ITPK1: variants seen among roughly 807,000 people sequenced by gnomAD.
ITPK1 encodes the protein inositol 1,3,4-trisphosphate 5/6-kinase.
A neutral mutation model predicts 45.3 loss-of-function variants in ITPK1; 21 were observed. The ratio of observed to expected loss-of-function variants is 0.46; its 90% CI spans 0.33 to 0.67. The LOEUF is 0.67. Among genes scored for constraint, ITPK1 ranks in the 30% least tolerant of loss-of-function variants. The probability of loss-of-function intolerance (pLI) is 0.02; values close to 1 mark genes in which losing one functional copy is unlikely to be tolerated. For missense variants in ITPK1, 474 were observed against 573.5 expected (o/e 0.83, Z 1.77); for synonymous variants, 258 against 253.6 (o/e 1.02, Z -0.16).
chr14:93,016,547 G>T lies in ITPK1; in HGVS notation c.246+129C>A. ...CCCACGAGCCCATGTCTTGCCAGTG[G>T]CAGAGCCATTTCTCCAGACTATACC... On this transcript the variant is annotated intron_variant, in intron 4 of 10. Transcript: ENST00000267615. This position sits in a 1 kb window ranked among gnomAD's most constrained non-coding sequence, Gnocchi z 5.0. 1 of 1,063,408 alleles carries T rather than the reference G, an allele frequency of 9.4e-7. No homozygotes were observed. Among genetic ancestry groups the T allele is most frequent in the Non-Finnish European group, 1.4e-6 (1 of 730,604 alleles). The allele number at this position is 1,063,408 out of a possible 1,614,324, so 65.9% of individuals were successfully genotyped here. A position where few individuals can be genotyped will look rare whatever the true frequency, so the allele number is the denominator to read the frequency against.
chr14:93,034,214 C>A lies in ITPK1; in HGVS notation c.121-17413G>T, dbSNP rs1157331603. Among the ~76,000 whole-genome samples, 1 of 150,592 alleles carries A rather than the reference C, an allele frequency of 6.6e-6. No homozygotes were observed. The highest frequency in any genetic ancestry group is 1.5e-5 in the Non-Finnish European group (1 of 67,526). ...ACACTGAACTGGGAGGTGGCTTCAGCCACACAGCACCTGCAGCAGCCGGGG... is the reference window on the plus strand; with the variant it reads ...ACACTGAACTGGGAGGTGGCTTCAGACACACAGCACCTGCAGCAGCCGGGG... On this transcript the variant is annotated intron_variant, in intron 3 of 10. Coordinates refer to ENST00000267615, the MANE Select transcript of ITPK1 (RefSeq NM_014216.6). This position sits in a 1 kb window ranked among gnomAD's most constrained non-coding sequence, Gnocchi z 4.1.
Position 92,941,093 on chromosome 14 carries a change from G to T in ITPK1, c.*468C>A. 1 of 1,202,328 alleles carries T rather than the reference G, an allele frequency of 8.3e-7. No homozygotes were observed. The highest frequency in any genetic ancestry group is 1.5e-5 in the South Asian group (1 of 65,736). 74.5% of individuals were successfully genotyped at this position (1,202,328 alleles called of 1,614,324 possible). A position where few individuals can be genotyped will look rare whatever the true frequency, so the allele number is the denominator to read the frequency against. On this transcript the variant is annotated 3_prime_UTR_variant, in exon 11 of 11. Transcript: ENST00000267615. ...AGGAGGAAAAACAAGGAAGGGGCAGGTCAGGGAGTGGGGAGTCAGGCAGAA... is the reference window on the plus strand; with the variant it reads ...AGGAGGAAAAACAAGGAAGGGGCAGTTCAGGGAGTGGGGAGTCAGGCAGAA...
chr14:93,061,501 G>C (rs1371432080), intron 3 of ITPK1, among the ~76,000 whole-genome samples: 1 of 152,184 alleles, frequency 6.6e-6, no homozygotes, highest in Non-Finnish European at 1.5e-5. Context: ...TCTGGGGCAG[G>C]AGTGAGAAAG....
intron 5 of ITPK1, among the ~76,000 whole-genome samples, chr14:92,973,175 C>T (rs549395467): frequency 5.3e-5 from 8 of 152,266 alleles, no homozygotes; most frequent in South Asian, 2.1e-4. Flanking sequence ...ACCTCTTGTA[C>T]GCTATTAAAT....
chr14:92,950,041 G>C (rs562582410), intron 9 of ITPK1, among the ~76,000 whole-genome samples: 105 of 152,376 alleles, frequency 6.9e-4, no homozygotes, highest in African/African-American at 2.5e-3. Flanking sequence ...GCAGGAAGAA[G>C]AAACCAAGGC....
intron 5 of ITPK1, among the ~76,000 whole-genome samples, chr14:92,968,953 C>T (rs1191128572): frequency 1.3e-5 from 2 of 152,148 alleles, no homozygotes; most frequent in African/African-American, 4.8e-5. Context: ...TGGGAAGGAC[C>T]CCATCTCTCA....
chr14:93,024,839 C>G (rs1225309258), intron 3 of ITPK1, among the ~76,000 whole-genome samples: 2 of 152,182 alleles, frequency 1.3e-5, no homozygotes, highest in African/African-American at 4.8e-5. Context: ...CTCCGGGACA[C>G]AGGCTCCTGA....
At chr14:93,057,686 T>C (rs1191811673) in intron 3 of ITPK1, among the ~76,000 whole-genome samples, 1 of 152,120 alleles carries the variant, frequency 6.6e-6, no homozygotes, top group Non-Finnish European at 1.5e-5. Flanking sequence ...GCCGAGGCCA[T>C]GCAGGGAGGA....
chr14:92,986,053 G>A (rs1886470436), intron 5 of ITPK1, among the ~76,000 whole-genome samples: 1 of 152,180 alleles, frequency 6.6e-6, no homozygotes, highest in East Asian at 1.9e-4. Context: ...AGAGATGTGG[G>A]TCCCATGGAG....
intron 5 of ITPK1, among the ~76,000 whole-genome samples, chr14:92,986,635 G>A (rs1004806102): frequency 1.6e-4 from 25 of 152,182 alleles, no homozygotes; most frequent in African/African-American, 4.3e-4. Context: ...GGGGTATCTC[G>A]TCCAGAAGCC....
At chr14:92,995,079 G>A (rs566229366) in intron 4 of ITPK1, among the ~76,000 whole-genome samples, 14 of 152,300 alleles carry the variant, frequency 9.2e-5, no homozygotes, top group East Asian at 7.7e-4. Context: ...ACTGGGAGCC[G>A]GGAGAGGGGC....
chr14:93,066,405 TTC>T, intron 3 of ITPK1: 6 of 335,544 alleles, frequency 1.8e-5, no homozygotes, highest in Non-Finnish European at 1.2e-5. Context: ...CATTTAGCAA[TTC>T]TTTTTTTTTT....
intron 5 of ITPK1, among the ~76,000 whole-genome samples, chr14:92,969,266 G>A (rs911880685): frequency 2.0e-5 from 3 of 152,012 alleles, no homozygotes; most frequent in African/African-American, 7.3e-5. Context: ...ATAATCCAGA[G>A]AGATAAATGA....
intron 3 of ITPK1, among the ~76,000 whole-genome samples, chr14:93,054,837 C>A (rs1330230655): frequency 4.6e-5 from 7 of 152,190 alleles, no homozygotes; most frequent in African/African-American, 1.7e-4. Context: ...CTTTTATAAG[C>A]CTTTCACTGA....
At chr14:93,106,584 C>G (rs1279781978) in intron 2 of ITPK1, among the ~76,000 whole-genome samples, 1 of 152,182 alleles carries the variant, frequency 6.6e-6, no homozygotes, top group Non-Finnish European at 1.5e-5. Flanking sequence ...CTTAGAGAGG[C>G]CTTCTCTGAC....
intron 3 of ITPK1, among the ~76,000 whole-genome samples, chr14:93,051,795 T>C (rs546187554): frequency 1.3e-5 from 2 of 152,356 alleles, no homozygotes; most frequent in East Asian, 1.9e-4. Flanking sequence ...GCATGGGGAA[T>C]GGAAGACAGC....
chr14:93,040,399 G>A (rs943731884), intron 3 of ITPK1, among the ~76,000 whole-genome samples: 1 of 152,102 alleles, frequency 6.6e-6, no homozygotes, highest in South Asian at 2.1e-4. Context: ...GAGGAGAGGC[G>A]GTCTTGGTCC....
In ITPK1 at chr14:93,012,849, G is replaced by A. The variant is rs953388542; in HGVS notation, c.246+3827C>T. ...AGGGAGAACCCCAGGAAGGTCCCCC[G>A]AGGCAGCCCCACATGGCCCATGGAT... On this transcript the variant is annotated intron_variant, in intron 4 of 10. Transcript: ENST00000267615. This position sits in a 1 kb window ranked among gnomAD's most constrained non-coding sequence, Gnocchi z 4.9. Among the ~76,000 whole-genome samples the A allele has an allele frequency of 6.6e-6, 1 of 152,204 alleles. No homozygotes were observed. The highest frequency in any genetic ancestry group is 1.5e-5 in the Non-Finnish European group (1 of 68,020).
rs1458904226 is a variant in ITPK1, at chr14:93,077,991, A to C, written c.96-1372T>G. On this transcript the variant is annotated intron_variant, in intron 2 of 10. Transcript: ENST00000267615. ...CAGGAATGTGTGGTTTACTCACCCA[A>C]GCTCCTTGGAGCAGGGACTATGCCA... Among the ~76,000 whole-genome samples, 4 of 152,180 alleles carry C rather than the reference A, an allele frequency of 2.6e-5. No individual in the cohort carries two copies. In the East Asian group the frequency reaches 7.7e-4, roughly 29 times the overall value.
Sources: allele counts gnomAD v4.1 joint callset (sites outside exome capture counted in the v4.1 genomes callset), GRCh38; gene constraint gnomAD v4.1.1; non-coding constraint Gnocchi (gnomAD v3.1); transcripts MANE v1.5; gene names NCBI Gene and HGNC (gene_info 2026-07-23, HGNC 2026-07-21).